CACNA2D3: variants seen among roughly 807,000 people sequenced by gnomAD.
CACNA2D3 encodes the protein calcium voltage-gated channel auxiliary subunit alpha2delta 3.
A neutral mutation model predicts 160.6 loss-of-function variants in CACNA2D3; 60 were observed. That is an observed-to-expected ratio of 0.37 (90% confidence interval 0.30 to 0.46). The LOEUF is 0.46. Among genes scored for constraint, CACNA2D3 ranks in the 20% least tolerant of loss-of-function variants. The probability of loss-of-function intolerance (pLI) is 1.00; values close to 1 mark genes in which losing one functional copy is unlikely to be tolerated. For synonymous variants in CACNA2D3, 558 were observed against 492.9 expected, an observed-to-expected ratio of 1.13 and a Z score of -1.75; for missense variants, 1,205 against 1,365.0, an observed-to-expected ratio of 0.88 and a Z score of 1.85.
chr3:55,038,898 A>ATATATATATATG, intron 35 of CACNA2D3, among the ~76,000 whole-genome samples: 1 of 140,232 alleles, frequency 7.1e-6, no homozygotes, highest in Non-Finnish European at 1.5e-5. Context: ...ATATATATAT[A>ATATATATATATG]TATATATATA....
At chr3:54,619,791 C>G (rs1325984716) in intron 9 of CACNA2D3, among the ~76,000 whole-genome samples, 1 of 20,308 alleles carries the variant, frequency 4.9e-5, no homozygotes, top group African/African-American at 2.1e-4. Flanking sequence ...TGTGCCTTAC[C>G]TACAAGATAA....
At chr3:54,622,337 G>A (rs1171230882) in intron 9 of CACNA2D3, among the ~76,000 whole-genome samples, 1 of 152,164 alleles carries the variant, frequency 6.6e-6, no homozygotes, top group Non-Finnish European at 1.5e-5. Context: ...GTGCAGTGGT[G>A]CAATCTCAGC....
At chr3:54,152,647 C>T (rs1206969422) in intron 2 of CACNA2D3, among the ~76,000 whole-genome samples, 1 of 152,230 alleles carries the variant, frequency 6.6e-6, no homozygotes, top group Non-Finnish European at 1.5e-5. Context: ...AATGAAACCA[C>T]AGAATGCAAT....
chr3:54,166,347 C>A (rs565777885), intron 2 of CACNA2D3, among the ~76,000 whole-genome samples: 1 of 152,178 alleles, frequency 6.6e-6, no homozygotes, highest in Non-Finnish European at 1.5e-5. Context: ...TTGCTGAATA[C>A]CATTAATCTT....
intron 11 of CACNA2D3, among the ~76,000 whole-genome samples, chr3:54,682,161 G>GCACACA (rs138753206): frequency 0.022 from 3,217 of 144,756 alleles, 37 homozygotes; most frequent in African/African-American, 0.028. Flanking sequence ...AAACAGAACA[G>GCACACA]CACACACACA....
At chr3:55,030,228 A>G (rs768657872) in intron 35 of CACNA2D3, among the ~76,000 whole-genome samples, 29 of 152,168 alleles carry the variant, frequency 1.9e-4, no homozygotes, top group Non-Finnish European at 2.6e-4. Context: ...TCCTCCCTGT[A>G]TTGCCTCCTC....
chr3:54,874,497 T>A (rs1420413016), intron 18 of CACNA2D3: 1 of 152,198 alleles, frequency 6.6e-6, no homozygotes, highest in Non-Finnish European at 1.5e-5. Flanking sequence ...TAACTTCCAG[T>A]CATTCCCAAG....
intron 4 of CACNA2D3, among the ~76,000 whole-genome samples, chr3:54,459,032 T>C (rs984605668): frequency 5.9e-5 from 9 of 152,228 alleles, no homozygotes; most frequent in Admixed American, 1.3e-4. Context: ...GTTTGGTTTT[T>C]CGTCCTTGCG....
At chr3:54,452,340 G>A (rs1700321149) in intron 4 of CACNA2D3, among the ~76,000 whole-genome samples, 1 of 152,152 alleles carries the variant, frequency 6.6e-6, no homozygotes, top group African/African-American at 2.4e-5. Flanking sequence ...GGGGGAAATT[G>A]CCCCCCATGA....
chr3:54,194,257 T>G (rs536264863), intron 2 of CACNA2D3, among the ~76,000 whole-genome samples: 1 of 152,270 alleles, frequency 6.6e-6, no homozygotes, highest in South Asian at 2.1e-4. Flanking sequence ...ATAATAAATA[T>G]GCAAGAAGAT....
At chr3:54,479,107 T>C (rs946876886) in intron 4 of CACNA2D3, among the ~76,000 whole-genome samples, 2 of 152,064 alleles carry the variant, frequency 1.3e-5, no homozygotes, top group Non-Finnish European at 2.9e-5. Flanking sequence ...ACCTCCATGC[T>C]GTTCTCTTGA....
At chr3:54,411,636 ATG>A (rs955304317) in intron 4 of CACNA2D3, among the ~76,000 whole-genome samples, 3 of 152,218 alleles carry the variant, frequency 2.0e-5, no homozygotes, top group African/African-American at 7.2e-5. Context: ...CGTAACTTTT[ATG>A]TGTACTGAGA....
At chr3:54,228,229 G>A (rs1406303726) in intron 2 of CACNA2D3, among the ~76,000 whole-genome samples, 3 of 152,118 alleles carry the variant, frequency 2.0e-5, no homozygotes, top group Non-Finnish European at 4.4e-5. Context: ...CTGTTCAAAG[G>A]TTCAGTTTGG....
rs1427887433 is a variant in CACNA2D3, at chr3:54,435,602, A to G, written c.381+48828A>G. 2.0e-5 allele frequency among the ~76,000 whole-genome samples: 3 copies of G among 152,208 alleles called. No homozygotes were observed. The East Asian group carries it at 5.8e-4, about 29-fold the overall frequency. Reference sequence around the variant, plus strand: ...CCCAGCCCTTCTGCCACACCTTGGCAGGGGGAATGCCTGCAAAATGAAGAG... The same window carrying G: ...CCCAGCCCTTCTGCCACACCTTGGCGGGGGGAATGCCTGCAAAATGAAGAG... On this transcript the variant is annotated intron_variant, in intron 4 of 37. Coordinates refer to ENST00000474759, the MANE Select transcript of CACNA2D3 (RefSeq NM_018398.3).
At chr3:54,451,460 G>A (rs1575461987) in intron 4 of CACNA2D3, among the ~76,000 whole-genome samples, 1 of 151,986 alleles carries the variant, frequency 6.6e-6, no homozygotes, top group African/African-American at 2.4e-5. Context: ...CAAATGTCAA[G>A]TGGATTCATG....
intron 12 of CACNA2D3, among the ~76,000 whole-genome samples, chr3:54,762,645 C>T (rs543941830): frequency 6.6e-6 from 1 of 152,322 alleles, no homozygotes; most frequent in Admixed American, 6.5e-5. Context: ...TTCACCCTTT[C>T]CCTTTTAACA....
intron 8 of CACNA2D3, among the ~76,000 whole-genome samples, chr3:54,570,389 C>G (rs1381154108): frequency 6.6e-6 from 1 of 152,096 alleles, no homozygotes; most frequent in African/African-American, 2.4e-5. Flanking sequence ...GGGGAGCTGA[C>G]ATTTTCAGAT....
At chr3:55,033,807 G>A (rs74192137) in intron 35 of CACNA2D3, among the ~76,000 whole-genome samples, 39,750 of 93,106 alleles carry the variant, frequency 0.43, 10,420 homozygotes, top group Non-Finnish European at 0.5. Flanking sequence ...TATATAATAT[G>A]TATTATATAT....
chr3:54,887,349 C>T (rs2106857854), intron 23 of CACNA2D3, among the ~76,000 whole-genome samples: 1 of 152,172 alleles, frequency 6.6e-6, no homozygotes, highest in Non-Finnish European at 1.5e-5. Context: ...CTGGCTTGAG[C>T]CTGAGAGGCA....
Sources: gnomAD v4.1 joint callset for allele counts (sites outside exome capture counted in the v4.1 genomes callset) on GRCh38, gnomAD v4.1.1 for gene constraint, MANE v1.5 for transcripts, NCBI Gene and HGNC (gene_info 2026-07-23, HGNC 2026-07-21) for gene names.